LRRTM4: variants seen among roughly 807,000 people sequenced by gnomAD.
The protein encoded by LRRTM4 is leucine rich repeat transmembrane neuronal 4, also known as leucine-rich repeat transmembrane neuronal protein 4.
Under a neutral mutation model 47.6 loss-of-function variants are expected in LRRTM4, and 25 were observed. The ratio of observed to expected loss-of-function variants is 0.53; its 90% confidence interval spans 0.38 to 0.73. The LOEUF (loss-of-function observed/expected upper bound fraction) is 0.73, where lower values mean the gene tolerates loss of function less well. Ranked by LOEUF, LRRTM4 falls within the 30% of genes least tolerant of loss-of-function variation. The pLI is 0.00. For missense variants in LRRTM4, 638 were observed against 713.4 expected, an observed-to-expected ratio of 0.89 and a Z score of 1.20; for synonymous variants, 311 against 269.5, an observed-to-expected ratio of 1.15 and a Z score of -1.51.
At chr2:76,790,572 T>A (rs2103710533) in intron 3 of LRRTM4, among the ~76,000 whole-genome samples, 1 of 152,302 alleles carries the variant, frequency 6.6e-6, no homozygotes, top group East Asian at 1.9e-4. Flanking sequence ...TAATAGTGTT[T>A]GACACATAGT....
chr2:77,098,984 T>A (rs561818678), intron 3 of LRRTM4, among the ~76,000 whole-genome samples: 1 of 151,936 alleles, frequency 6.6e-6, no homozygotes, highest in Non-Finnish European at 1.5e-5. Flanking sequence ...TGTCAAATAA[T>A]GGGGAGTAAG....
chr2:77,309,929 C>T (rs1039264845), intron 3 of LRRTM4, among the ~76,000 whole-genome samples: 7 of 152,112 alleles, frequency 4.6e-5, no homozygotes, highest in African/African-American at 9.7e-5. Flanking sequence ...TACAGCCACA[C>T]CATTTTTTTT....
At chr2:76,778,994 A>G (rs1289064260) in intron 3 of LRRTM4, among the ~76,000 whole-genome samples, 1 of 137,580 alleles carries the variant, frequency 7.3e-6, no homozygotes, top group Non-Finnish European at 1.5e-5. Context: ...GAACATCCTT[A>G]TTTGTGCCTT....
intron 3 of LRRTM4, among the ~76,000 whole-genome samples, chr2:77,292,523 A>T (rs1224412115): frequency 6.6e-6 from 1 of 152,104 alleles, no homozygotes; most frequent in African/African-American, 2.4e-5. Context: ...AGCCATAAAA[A>T]ATGATGAGTT....
chr2:77,502,316 TATC>T (rs1678599597), intron 3 of LRRTM4, among the ~76,000 whole-genome samples: 1 of 151,466 alleles, frequency 6.6e-6, no homozygotes, highest in East Asian at 1.9e-4. Context: ...TTATGTATTT[TATC>T]ATTTTGAACA....
intron 3 of LRRTM4, among the ~76,000 whole-genome samples, chr2:77,019,714 G>T (rs1678198666): frequency 6.6e-6 from 1 of 151,950 alleles, no homozygotes; most frequent in Non-Finnish European, 1.5e-5. Flanking sequence ...ACTAAACTTG[G>T]TTATAATAAC....
chr2:77,402,731 C>T (rs1201139274), intron 3 of LRRTM4, among the ~76,000 whole-genome samples: 1 of 151,966 alleles, frequency 6.6e-6, no homozygotes, highest in Non-Finnish European at 1.5e-5. Context: ...CTTTATCTCA[C>T]CTTACATGAC....
At chr2:76,972,818 G>T (rs77158120) in intron 3 of LRRTM4, among the ~76,000 whole-genome samples, 1 of 151,862 alleles carries the variant, frequency 6.6e-6, no homozygotes. Flanking sequence ...TTGAAATCCC[G>T]GATGGCATGT....
At chr2:76,962,998 A>G (rs1434546936) in intron 3 of LRRTM4, among the ~76,000 whole-genome samples, 1 of 150,940 alleles carries the variant, frequency 6.6e-6, no homozygotes, top group Non-Finnish European at 1.5e-5. Context: ...TTATCAATGA[A>G]CAAAAGGTAG....
intron 3 of LRRTM4, among the ~76,000 whole-genome samples, chr2:76,808,137 A>T (rs1670612376): frequency 6.6e-6 from 1 of 151,592 alleles, no homozygotes; most frequent in African/African-American, 2.4e-5. Flanking sequence ...CTCCTGCCTC[A>T]GCCTTACTCA....
chr2:76,923,398 T>A (rs1036738311), intron 3 of LRRTM4, among the ~76,000 whole-genome samples: 3 of 152,088 alleles, frequency 2.0e-5, no homozygotes, highest in African/African-American at 4.8e-5. Context: ...ATAAATTTAC[T>A]ATTAAATAAG....
intron 3 of LRRTM4, among the ~76,000 whole-genome samples, chr2:76,983,343 T>C (rs986297155): frequency 6.6e-6 from 1 of 152,054 alleles, no homozygotes; most frequent in Non-Finnish European, 1.5e-5. Flanking sequence ...TCTCCTTGAA[T>C]TGTAATAATC....
At chr2:76,974,193 T>TACAC (rs1201085493) in intron 3 of LRRTM4, among the ~76,000 whole-genome samples, 17 of 119,608 alleles carry the variant, frequency 1.4e-4, no homozygotes, top group African/African-American at 6.1e-4. Flanking sequence ...CATACATATA[T>TACAC]ATACATATAT....
chr2:77,289,550 A>C (rs1464356678), intron 3 of LRRTM4, among the ~76,000 whole-genome samples: 1 of 152,028 alleles, frequency 6.6e-6, no homozygotes, highest in Non-Finnish European at 1.5e-5. Context: ...TCTCATGCCA[A>C]TAATAACACA....
chr2:76,951,930 CTTCATTCATGTCCTTGCA>C (rs1318410757), intron 3 of LRRTM4, among the ~76,000 whole-genome samples: 2 of 151,978 alleles, frequency 1.3e-5, no homozygotes, highest in Non-Finnish European at 2.9e-5. Context: ...TGTCTTCCAG[CTTCATTCATGTCCTTGCA>C]AAGGACATGA....
intron 3 of LRRTM4, among the ~76,000 whole-genome samples, chr2:77,196,953 A>C (rs1402901171): frequency 6.6e-6 from 1 of 152,066 alleles, no homozygotes; most frequent in Non-Finnish European, 1.5e-5. Context: ...AGTGCTTACC[A>C]ATTTTTTCTT....
intron 3 of LRRTM4, among the ~76,000 whole-genome samples, chr2:76,818,408 C>T (rs939678661): frequency 2.0e-5 from 3 of 151,676 alleles, no homozygotes; most frequent in African/African-American, 7.3e-5. Context: ...ATGCTCTTCC[C>T]ACAACCAGGG....
At position 76,748,710 on chromosome 2, in the gene LRRTM4, C is replaced by T; in HGVS notation, c.1758G>A (p.Glu586=). The T allele has an allele frequency of 3.1e-6, 5 of 1,596,330 alleles. No homozygotes were observed. The highest frequency in any genetic ancestry group is 4.3e-6 in the Non-Finnish European group (5 of 1,170,204). The stretch of plus-strand genomic sequence containing the variant: ...GGCTTCAGCGTTAGTTTGCAATTCT[C>T]TCTAGGTAGATGGCCGGTGCTGCCG... The part of the protein sequence containing the change: ...ARSAAPAIYL[E]RIAN Residue 586 remains glutamate, a synonymous_variant, in exon 4 of 4, where the codon GAG becomes GAA. Coordinates refer to ENST00000409884, the MANE Select transcript of LRRTM4 (RefSeq NM_001134745.3).
intron 3 of LRRTM4, among the ~76,000 whole-genome samples, chr2:77,157,191 A>AG (rs1192974393): frequency 1.3e-5 from 2 of 152,192 alleles, no homozygotes; most frequent in Admixed American, 1.3e-4. Context: ...GTTGGCTAAA[A>AG]GCAAAGGTTT....
Sources: allele counts gnomAD v4.1 joint callset (sites outside exome capture counted in the v4.1 genomes callset), GRCh38; gene constraint gnomAD v4.1.1; transcripts MANE v1.5; gene names NCBI Gene and HGNC (gene_info 2026-07-23, HGNC 2026-07-21).